The following RAD50 variants were observed in gnomAD, a reference collection of about 807,000 sequenced individuals.
RAD50 encodes DNA repair protein RAD50.
RAD50 carries 132 observed loss-of-function variants against 168.8 expected under a neutral mutation model. The observed-to-expected ratio is 0.78, with a 90% CI of 0.68 to 0.90. RAD50 has a LOEUF of 0.90. RAD50 is among the 40% of genes least tolerant of loss of function. The pLI is 0.00. For synonymous variants in RAD50, 525 were observed against 497.4 expected (o/e 1.06, Z -0.74); for missense variants, 1,347 against 1,534.4 (o/e 0.88, Z 2.04).
At position 132,591,263 on chromosome 5, in the gene RAD50, G is replaced by A. The variant is rs543815753; in HGVS notation, c.1492G>A (p.Glu498Lys). ...LSKAEKNSNV[E>K]TLKMEVISLQ... ...CAAGGCTGAGAAAAACAGCAATGTAGAAACCTTAAAAATGGAAGTAATAAG... is the reference window on the plus strand; with the variant it reads ...CAAGGCTGAGAAAAACAGCAATGTAAAAACCTTAAAAATGGAAGTAATAAG... The change falls in exon 10 of 25, where the codon GAA (glutamate) becomes AAA (lysine). Residue 498 changes from glutamate to lysine, a missense_variant. Transcript: ENST00000378823. The A allele has an allele frequency of 6.2e-7, 1 of 1,613,150 alleles. No homozygotes were observed. The highest frequency in any genetic ancestry group is 8.5e-7 in the Non-Finnish European group (1 of 1,179,154).
intron 5 of RAD50, 24 bp downstream of exon 5, chr5:132,580,090 G>A (rs767797949): frequency 6.5e-7 from 1 of 1,545,678 alleles, no homozygotes; most frequent in African/African-American, 1.4e-5. Context: ...ATTTTTAATT[G>A]ACAAAAATTG....
At chr5:132,583,560 AC>A (rs950443393) in intron 5 of RAD50, among the ~76,000 whole-genome samples, 1 of 152,076 alleles carries the variant, frequency 6.6e-6, no homozygotes, top group Admixed American at 6.5e-5. Context: ...ATCCATAGTA[AC>A]CACTAATTTG....
intron 13 of RAD50, among the ~76,000 whole-genome samples, chr5:132,596,687 C>T (rs1362728934): frequency 1.3e-5 from 2 of 152,188 alleles, no homozygotes; most frequent in Non-Finnish European, 2.9e-5. Context: ...TAAGACATGA[C>T]CCTCCAGGAG....
intron 19 of RAD50, among the ~76,000 whole-genome samples, chr5:132,613,018 T>G (rs1223159974): frequency 6.6e-6 from 1 of 151,844 alleles, no homozygotes; most frequent in Non-Finnish European, 1.5e-5. Flanking sequence ...AGAAGTGGTG[T>G]TATTCCCAGC....
intron 16 of RAD50, among the ~76,000 whole-genome samples, chr5:132,607,447 A>C (rs1156622525): frequency 6.6e-6 from 1 of 152,178 alleles, no homozygotes; most frequent in African/African-American, 2.4e-5. Flanking sequence ...ACCAGTTATA[A>C]ACAGTTATAA....
At position 132,575,816 on chromosome 5, in the gene RAD50, C is replaced by A. The variant is rs1342902715; in HGVS notation, c.253C>A (p.Gln85Lys). ...AGATGTGAGAGCCCAGATTCGTCTG[C>A]AATTTCGTGATGTCAATGGAGAACT... ...ETDVRAQIRL[Q>K]FRDVNGELIA... is the part of the protein sequence containing the mutation. Residue 85 changes from glutamine (Q) to lysine (K), a missense_variant, in exon 3 of 25, where the codon CAA becomes AAA. Physicochemically the swap from Gln to Lys is moderately conservative, Grantham distance 53. Around this residue, in one of 3 missense-constraint regions of RAD50, gnomAD observed 703 missense variants for 767.7 expected, o/e 0.92. Coordinates refer to ENST00000378823, the MANE Select transcript of RAD50 (RefSeq NM_005732.4). The A allele has an allele frequency of 3.1e-6, 5 of 1,602,214 alleles. No individual in the cohort carries two copies. In the South Asian group the frequency reaches 5.5e-5, roughly 18 times the overall value.
Position 132,557,145 on chromosome 5 carries a change from GCC to G in RAD50, c.-176_-175del. 1.2e-6 allele frequency: 1 copy of G among 845,138 alleles called. No homozygotes were observed. Among genetic ancestry groups the G allele is most frequent in the Non-Finnish European group, 1.9e-6 (1 of 529,334 alleles). 52.4% of individuals were successfully genotyped at this position (845,138 alleles called of 1,614,324 possible). A position where few individuals can be genotyped will look rare whatever the true frequency, so the allele number is the denominator to read the frequency against. On this transcript the variant is annotated 5_prime_UTR_variant, in exon 1 of 25. Coordinates refer to ENST00000378823, the MANE Select transcript of RAD50 (RefSeq NM_005732.4). ...TGTGGGAGGAAAGGCTCCATCCCCC[GCC>G]CCCTCTCTCCCGCTGTTGGCTGGCA... is the stretch of plus-strand genomic sequence containing the variant.
chr5:132,624,027 GTTAT>G (rs1751328332), intron 21 of RAD50, among the ~76,000 whole-genome samples: 1 of 152,140 alleles, frequency 6.6e-6, no homozygotes, highest in Non-Finnish European at 1.5e-5. Context: ...CAATTAACAT[GTTAT>G]TTTTTAAAAA....
chr5:132,565,046 A>T (rs1750183599), intron 2 of RAD50, among the ~76,000 whole-genome samples: 1 of 152,054 alleles, frequency 6.6e-6, no homozygotes, highest in Non-Finnish European at 1.5e-5. Context: ...TCATGGGGGT[A>T]GATTTCCCCC....
At chr5:132,577,960 G>A (rs948719351) in intron 3 of RAD50, among the ~76,000 whole-genome samples, 48 of 151,706 alleles carry the variant, frequency 3.2e-4, no homozygotes, top group African/African-American at 1.1e-3. Flanking sequence ...GACTACAGGC[G>A]TGCACCACCA....
chr5:132,629,738 C>T (rs980675722), intron 21 of RAD50, among the ~76,000 whole-genome samples: 1 of 152,076 alleles, frequency 6.6e-6, no homozygotes, highest in South Asian at 2.1e-4. Context: ...GTAATTGTTG[C>T]GTTCAGCTGT....
intron 12 of RAD50, 152 bp downstream of exon 12, chr5:132,595,196 C>G: frequency 1.2e-6 from 1 of 830,750 alleles, no homozygotes; most frequent in South Asian, 1.7e-5. Flanking sequence ...CACTGTGTGA[C>G]TTTAGGCAAG....
intron 21 of RAD50, among the ~76,000 whole-genome samples, chr5:132,623,125 C>T (rs1481112324): frequency 6.6e-6 from 1 of 152,104 alleles, no homozygotes; most frequent in Non-Finnish European, 1.5e-5. Flanking sequence ...TACTTGGGTC[C>T]TATCCTTCAT....
rs762702502 is a variant in RAD50 at position 132,642,302 on chromosome 5, A to G, written c.3877A>G (p.Ile1293Val). The stretch of plus-strand genomic sequence containing the variant: ...GAAATTCTACAGGATTAAAAAGAAC[A>G]TCGATCAGTGCTCAGAGATTGTGAA... ...VEKFYRIKKNIDQCSEIVKCS... is the reference protein window; with the variant it reads ...VEKFYRIKKNVDQCSEIVKCS... The change falls in exon 25 of 25, where the codon ATC becomes GTC. Residue 1293 changes from isoleucine to valine, a missense_variant. By Grantham distance (29) the Ile-to-Val change is conservative. Transcript: ENST00000378823. The G allele has an allele frequency of 5.0e-6, 8 of 1,614,008 alleles. No homozygotes were observed. The highest frequency in any genetic ancestry group is 4.0e-5 in the African/African-American group (3 of 74,924).
chr5:132,639,083 A>G (rs917057681), intron 23 of RAD50, among the ~76,000 whole-genome samples: 2 of 152,198 alleles, frequency 1.3e-5, no homozygotes, highest in African/African-American at 4.8e-5. Context: ...GCAGCTGGGC[A>G]TGGTGTCTCA....
At chr5:132,607,388 T>G (rs1053897236) in intron 16 of RAD50, among the ~76,000 whole-genome samples, 2 of 152,220 alleles carry the variant, frequency 1.3e-5, no homozygotes, top group African/African-American at 4.8e-5. Context: ...CAGTTGCCAC[T>G]GGAATGCATT....
At chr5:132,621,083 T>C (rs1339264033) in intron 21 of RAD50, among the ~76,000 whole-genome samples, 1 of 152,200 alleles carries the variant, frequency 6.6e-6, no homozygotes, top group East Asian at 1.9e-4. Context: ...ACTTTAGTTA[T>C]TTGAGTGTTT....
chr5:132,617,035 C>T (rs970328240), intron 20 of RAD50, among the ~76,000 whole-genome samples: 1 of 152,156 alleles, frequency 6.6e-6, no homozygotes, highest in Non-Finnish European at 1.5e-5. Flanking sequence ...TCATCATCTT[C>T]AGAGTCTTCA....
intron 21 of RAD50, among the ~76,000 whole-genome samples, chr5:132,629,511 T>C (rs1751426804): frequency 6.6e-6 from 1 of 152,194 alleles, no homozygotes; most frequent in African/African-American, 2.4e-5. Context: ...CCAGGCTGTT[T>C]ACTGAGTTCT....
Sources: allele counts gnomAD v4.1 joint callset (sites outside exome capture counted in the v4.1 genomes callset), GRCh38; gene constraint gnomAD v4.1.1; regional missense constraint gnomAD v4.1.1; transcripts MANE v1.5; gene names NCBI Gene and HGNC (gene_info 2026-07-23, HGNC 2026-07-21).